Variants in PAX5 observed in about 807,000 individuals in gnomAD.
The protein encoded by PAX5 is paired box 5.
PAX5 carries 9 observed loss-of-function variants against 43.7 expected under a neutral mutation model. The ratio of observed to expected loss-of-function variants is 0.21; its 90% CI spans 0.12 to 0.36. PAX5 has a LOEUF of 0.36. Ranked by LOEUF, PAX5 falls within the 10% of genes least tolerant of loss-of-function variation. PAX5 has a pLI of 1.00. For missense variants in PAX5, 383 were observed against 532.7 expected, an observed-to-expected ratio of 0.72 and a Z score of 2.77; for synonymous variants, 228 against 214.3, an observed-to-expected ratio of 1.06 and a Z score of -0.56.
At chr9:36,869,895 A>ATGGATGGATGGATGGATGG (rs1825283975) in intron 8 of PAX5, among the ~76,000 whole-genome samples, 1 of 49,366 alleles carries the variant, frequency 2.0e-5, no homozygotes, top group African/African-American at 7.1e-5. Flanking sequence ...TGGATGGATA[A>ATGGATGGATGGATGGATGG]ATGGATGGAT....
At chr9:36,937,752 T>C (rs940466244) in intron 6 of PAX5, among the ~76,000 whole-genome samples, 1 of 152,226 alleles carries the variant, frequency 6.6e-6, no homozygotes, top group African/African-American at 2.4e-5. Context: ...CAGATAGGTT[T>C]AGCCGCAGAT....
chr9:36,959,012 C>T (rs1490160116), intron 6 of PAX5, among the ~76,000 whole-genome samples: 2 of 152,226 alleles, frequency 1.3e-5, no homozygotes, highest in African/African-American at 4.8e-5. Context: ...CCAATGGCCT[C>T]CCAAGACCCT....
intron 6 of PAX5, among the ~76,000 whole-genome samples, chr9:36,924,850 G>GGAGA (rs1236910273): frequency 6.6e-6 from 1 of 151,020 alleles, no homozygotes; most frequent in Non-Finnish European, 1.5e-5. Context: ...AGGGAGGGAG[G>GGAGA]GAGGAGGGAA....
At chr9:36,858,746 C>T (rs936069567) in intron 8 of PAX5, among the ~76,000 whole-genome samples, 1 of 152,084 alleles carries the variant, frequency 6.6e-6, no homozygotes, top group African/African-American at 2.4e-5. Context: ...TTCAGGAACT[C>T]CTTCGCTCAG....
At chr9:36,997,134 C>T (rs957248008) in intron 5 of PAX5, among the ~76,000 whole-genome samples, 2 of 152,142 alleles carry the variant, frequency 1.3e-5, no homozygotes, top group Non-Finnish European at 1.5e-5. Context: ...CCCCAACAAA[C>T]CTCCCCATGA....
intron 7 of PAX5, among the ~76,000 whole-genome samples, chr9:36,895,184 C>T (rs1414255712): frequency 5.3e-5 from 8 of 152,212 alleles, no homozygotes; most frequent in Admixed American, 2.6e-4. Flanking sequence ...AGACGAGAGG[C>T]GCAGAGGGAA....
At chr9:36,844,815 C>T (rs1822408197) in intron 9 of PAX5, among the ~76,000 whole-genome samples, 2 of 152,188 alleles carry the variant, frequency 1.3e-5, no homozygotes, top group South Asian at 4.1e-4. Flanking sequence ...GTCCAAACTC[C>T]CCAGCCTGGC....
At chr9:36,930,835 A>T (rs1831062294) in intron 6 of PAX5, 1 of 1,304,886 alleles carries the variant, frequency 7.7e-7, no homozygotes, top group East Asian at 4.7e-5. Context: ...TCAAGGAGGC[A>T]CGTGCCCCAG....
intron 7 of PAX5, 55 bp downstream of exon 7, chr9:36,923,300 A>C (rs1360345213): frequency 1.3e-6 from 2 of 1,561,100 alleles, no homozygotes; most frequent in South Asian, 2.3e-5. Flanking sequence ...CCCACCACAC[A>C]CTCCTATCTC....
chr9:36,854,083 G>A lies in PAX5; in HGVS notation c.1013-7154C>T, dbSNP rs1222139569. ...TCGCAGCCAAGTTCTGTTTCTGAAG[G>A]ATTCAAACTGGGCTTAGAGAAAATC... On this transcript the variant is annotated intron_variant, in intron 8 of 9. Coordinates refer to ENST00000358127, the MANE Select transcript of PAX5 (RefSeq NM_016734.3). Among the ~76,000 whole-genome samples the A allele has an allele frequency of 6.6e-5, 10 of 152,384 alleles. No homozygotes were observed. In the South Asian group the frequency reaches 2.1e-3, roughly 32 times the overall value.
At chr9:37,013,817 G>A (rs926393705) in intron 3 of PAX5, among the ~76,000 whole-genome samples, 1 of 152,174 alleles carries the variant, frequency 6.6e-6, no homozygotes, top group African/African-American at 2.4e-5. Context: ...GCCAAGAGAA[G>A]AAAAACAGGC....
At chr9:36,889,245 C>T (rs1175842563) in intron 7 of PAX5, among the ~76,000 whole-genome samples, 1 of 152,140 alleles carries the variant, frequency 6.6e-6, no homozygotes, top group Non-Finnish European at 1.5e-5. Flanking sequence ...AATACAAGAA[C>T]CCCATAAGGT....
intron 6 of PAX5, among the ~76,000 whole-genome samples, chr9:36,940,579 T>C (rs950997367): frequency 2.6e-5 from 4 of 151,810 alleles, no homozygotes; most frequent in Non-Finnish European, 5.9e-5. Context: ...ATCCCCAGGG[T>C]GCCTGGAGGA....
At chr9:37,021,729 T>C (rs1368422556) in intron 1 of PAX5, among the ~76,000 whole-genome samples, 1 of 152,134 alleles carries the variant, frequency 6.6e-6, no homozygotes, top group Non-Finnish European at 1.5e-5. Context: ...CTCAAGTAAA[T>C]GAAGAGCCAA....
At chr9:36,943,529 T>TTCACACACACACACACAC (rs35815065) in intron 6 of PAX5, among the ~76,000 whole-genome samples, 118 of 146,018 alleles carry the variant, frequency 8.1e-4, no homozygotes, top group East Asian at 6.9e-3. Flanking sequence ...TAGTTCAACA[T>TTCACACACACACACACAC]ACACACACAC....
chr9:36,985,773 C>G lies in PAX5; in HGVS notation c.604+16875G>C, dbSNP rs200266193. ...GGTCAAAATCCAGTCCCGAACTTCC[C>G]AAGCCACAGCAGGTCACTGGAAAAA... is the stretch of plus-strand genomic sequence containing the variant. On this transcript the variant is annotated intron_variant, in intron 5 of 9. Coordinates refer to ENST00000358127, the MANE Select transcript of PAX5 (RefSeq NM_016734.3). Among the ~76,000 whole-genome samples, 41 of 152,292 alleles carry G rather than the reference C, an allele frequency of 2.7e-4. 1 individual carries two copies. The East Asian group carries it at 7.7e-3, about 29-fold the overall frequency.
intron 1 of PAX5, among the ~76,000 whole-genome samples, chr9:37,030,535 C>A (rs1361363629): frequency 1.3e-5 from 2 of 152,234 alleles, no homozygotes; most frequent in African/African-American, 2.4e-5. Context: ...TACAGTGATG[C>A]GCTTTCTTTC....
At position 36,923,429 on chromosome 9, in the gene PAX5, G is replaced by T; in HGVS notation, c.836C>A (p.Ala279Asp). The stretch of plus-strand genomic sequence containing the variant: ...AGCAGGGGTGGGGCTGGCCAGATTG[G>T]CCTTCATGTCGTCCAGCCCACCAGC... The part of the protein sequence containing the change: ...SLAGGLDDMK[A>D]NLASPTPADI... The change falls in exon 7 of 10, where the codon GCC becomes GAC. Residue 279 changes from alanine to aspartate, a missense_variant. Ala to Asp is a moderately radical substitution (Grantham distance 126, BLOSUM62 -2). Coordinates refer to ENST00000358127, the MANE Select transcript of PAX5 (RefSeq NM_016734.3). 1 of 1,612,900 alleles carries T rather than the reference G, an allele frequency of 6.2e-7. No homozygotes were observed. The highest frequency in any genetic ancestry group is 8.5e-7 in the Non-Finnish European group (1 of 1,179,984).
rs913385985 is a variant in PAX5, at chr9:36,881,946, C to T, written c.1012+58G>A. 55 of 1,256,780 alleles carry T rather than the reference C, an allele frequency of 4.4e-5. No homozygotes were observed. The South Asian group carries it at 6.3e-4, about 14-fold the overall frequency. 77.9% of individuals were successfully genotyped at this position (1,256,780 alleles called of 1,614,324 possible). ...ACCCAGGCTGTTTGGGGGGGGATGT[C>T]CCCCCACCGAAACCCCGTCCGCTGC... On this transcript the variant is annotated intron_variant, in intron 8 of 9. Coordinates refer to ENST00000358127, the MANE Select transcript of PAX5 (RefSeq NM_016734.3).
Sources: allele counts gnomAD v4.1 joint callset (sites outside exome capture counted in the v4.1 genomes callset), GRCh38; gene constraint gnomAD v4.1.1; transcripts MANE v1.5; gene names NCBI Gene and HGNC (gene_info 2026-07-23, HGNC 2026-07-21).